Variants in FOLH1 observed in about 807,000 individuals in gnomAD.
FOLH1 encodes the protein glutamate carboxypeptidase 2.
In FOLH1, 54 loss-of-function variants were observed where a neutral mutation model predicts 93.9. The ratio of observed to expected loss-of-function variants is 0.57; its 90% confidence interval spans 0.46 to 0.72. The LOEUF is 0.72. Among genes scored for constraint, FOLH1 ranks in the 30% least tolerant of loss-of-function variants. The pLI is 0.00. For missense variants in FOLH1, 571 were observed against 892.5 expected, an observed-to-expected ratio of 0.64 and a Z score of 4.59; for synonymous variants, 249 against 303.6, an observed-to-expected ratio of 0.82 and a Z score of 1.87.
intron 18 of FOLH1, among the ~76,000 whole-genome samples, chr11:49,147,963 T>C (rs964727893): frequency 1.6e-4 from 24 of 151,786 alleles, no homozygotes; most frequent in African/African-American, 5.8e-4. Flanking sequence ...TGGATAAAAA[T>C]ATGCTGCTAC....
chr11:49,164,680 T>C (rs755319839), intron 13 of FOLH1, 25 bp downstream of exon 13: 1 of 1,530,870 alleles, frequency 6.5e-7, no homozygotes. Context: ...ATTTGGGTTT[T>C]CTTAAATTAT....
intron 1 of FOLH1, chr11:49,207,670 GTAAC>G (rs1230202491): frequency 2.9e-6 from 1 of 342,148 alleles, no homozygotes; most frequent in Non-Finnish European, 5.8e-6. Context: ...ATAAAATAGG[GTAAC>G]TAACGCTGAG....
At chr11:49,194,956 T>G (rs1862466317) in intron 3 of FOLH1, among the ~76,000 whole-genome samples, 1 of 151,984 alleles carries the variant, frequency 6.6e-6, no homozygotes, top group Non-Finnish European at 1.5e-5. Context: ...ATCACTATAG[T>G]GAGGTGAGAT....
At chr11:49,153,684 C>A (rs145844673) in intron 17 of FOLH1, among the ~76,000 whole-genome samples, 162 bp downstream of exon 17, 3 of 151,984 alleles carry the variant, frequency 2.0e-5, no homozygotes, top group African/African-American at 7.2e-5. Context: ...CAAACCTGCA[C>A]GTTCTGTCCA....
intron 12 of FOLH1, among the ~76,000 whole-genome samples, chr11:49,165,817 T>C (rs1382576599): frequency 6.6e-6 from 1 of 152,218 alleles, no homozygotes; most frequent in Non-Finnish European, 1.5e-5. Flanking sequence ...AAAGATTTGA[T>C]TTTAGATTCT....
chr11:49,175,874 C>T lies in FOLH1; in HGVS notation c.1004G>A (p.Gly335Glu). 1.2e-6 allele frequency: 2 copies of T among 1,613,504 alleles called. No individual in the cohort carries two copies. The highest frequency in any genetic ancestry group is 1.1e-5 in the South Asian group (1 of 90,972). The change falls in exon 8 of 19, where the codon GGA (glycine) becomes GAA (glutamate). Residue 335 changes from glycine to glutamate, a missense_variant. Gly to Glu is a moderately conservative substitution (Grantham distance 98). This residue lies in a region of FOLH1 where 500 missense variants were observed against 822.9 expected (regional missense o/e 0.61). Coordinates refer to ENST00000256999, the MANE Select transcript of FOLH1 (RefSeq NM_004476.3). ...VPYNVGPGFTGNFSTQKVKMH... is the reference protein window; with the variant it reads ...VPYNVGPGFTENFSTQKVKMH... ...GTCTCTTAACTGTGTAGAAAAGTTT[C>T]CAGTAAAGCCAGGTCCAACATTGTA... is the stretch of plus-strand genomic sequence containing the variant.
chr11:49,205,568 T>C (rs1320024853), intron 2 of FOLH1, among the ~76,000 whole-genome samples: 1 of 152,238 alleles, frequency 6.6e-6, no homozygotes, highest in African/African-American at 2.4e-5. Flanking sequence ...AAATGCAATA[T>C]CTTTCTCTAA....
At chr11:49,199,482 G>A (rs1172067873) in intron 3 of FOLH1, among the ~76,000 whole-genome samples, 1 of 152,142 alleles carries the variant, frequency 6.6e-6, no homozygotes, top group African/African-American at 2.4e-5. Context: ...TCTTCGCACA[G>A]AGTTCAACCT....
intron 4 of FOLH1, among the ~76,000 whole-genome samples, chr11:49,187,543 C>A (rs1861552774): frequency 7.0e-6 from 1 of 142,124 alleles, no homozygotes; most frequent in Non-Finnish European, 1.6e-5. Context: ...TACTATTCAA[C>A]ATCATCAATT....
intron 2 of FOLH1, 66 bp downstream of exon 2, chr11:49,206,001 G>C: frequency 6.7e-7 from 1 of 1,485,360 alleles, no homozygotes; most frequent in Non-Finnish European, 9.1e-7. Context: ...ATAAAATATT[G>C]GACCAAAACA....
rs1351762182 is a variant in FOLH1, at chr11:49,186,757, A to G, written c.526T>C (p.Tyr176His). The change falls in exon 5 of 19, where the codon TAT (tyrosine) becomes CAT (histidine). Residue 176 changes from tyrosine (Y) to histidine (H), a missense_variant. Around this residue, in one of 2 missense-constraint regions of FOLH1, gnomAD observed 500 missense variants for 822.9 expected, o/e 0.61. Coordinates refer to ENST00000256999, the MANE Select transcript of FOLH1 (RefSeq NM_004476.3). Reference sequence around the variant, plus strand: ...TCTTCAGTTCGTGCATAGTTAACATACACTAGATCGCCCTGTTGAGATCGG... The same window carrying G: ...TCTTCAGTTCGTGCATAGTTAACATGCACTAGATCGCCCTGTTGAGATCGG... ...PQGMPEGDLV[Y>H]VNYARTEDFF... The G allele has an allele frequency of 6.2e-7, 1 of 1,610,558 alleles. No homozygotes were observed. The highest frequency in any genetic ancestry group is 1.7e-5 in the Admixed American group (1 of 59,384).
chr11:49,164,631 A>G (rs1458954644), intron 13 of FOLH1, 74 bp downstream of exon 13: 8 of 1,002,906 alleles, frequency 8.0e-6, no homozygotes, highest in Non-Finnish European at 1.2e-5. Flanking sequence ...AACACCACCT[A>G]TGTTTAACAT....
At chr11:49,160,120 G>T (rs1391709411) in intron 13 of FOLH1, among the ~76,000 whole-genome samples, 5 of 151,960 alleles carry the variant, frequency 3.3e-5, no homozygotes, top group Admixed American at 2.0e-4. Flanking sequence ...GTGCATAGAG[G>T]TGTTTATAAT....
intron 7 of FOLH1, among the ~76,000 whole-genome samples, chr11:49,176,573 T>C (rs1052207594): frequency 1.3e-5 from 2 of 152,164 alleles, no homozygotes; most frequent in East Asian, 1.9e-4. Flanking sequence ...GGGGTTCTTG[T>C]AGTTTCACTT....
rs1353609019 is a variant in FOLH1 at position 49,200,275 on chromosome 11, T to C, written c.391A>G (p.Ile131Val). 1 of 1,574,384 alleles carries C rather than the reference T, an allele frequency of 6.4e-7. No individual in the cohort carries two copies. Among genetic ancestry groups the C allele is most frequent in the South Asian group, 1.2e-5 (1 of 83,612 alleles). ...NKTHPNYISIINEDGNEIFNT... is the reference protein window; with the variant it reads ...NKTHPNYISIVNEDGNEIFNT... Reference sequence around the variant, plus strand: ...TTTACCTCATTTCCATCTTCATTAATTATTGAGATGTAGTTGGGATGAGTC... The same window carrying C: ...TTTACCTCATTTCCATCTTCATTAACTATTGAGATGTAGTTGGGATGAGTC... Residue 131 changes from isoleucine (I) to valine (V), a missense_variant, in exon 3 of 19, where the codon ATT becomes GTT. Transcript: ENST00000256999.
intron 6 of FOLH1, among the ~76,000 whole-genome samples, chr11:49,183,520 G>A (rs1861029532): frequency 6.6e-6 from 1 of 151,998 alleles, no homozygotes; most frequent in South Asian, 2.1e-4. Flanking sequence ...CCACTCCTGG[G>A]TACTCTAGAA....
intron 5 of FOLH1, 139 bp from the exon 6 acceptor site, chr11:49,185,994 A>G: frequency 1.8e-6 from 2 of 1,116,720 alleles, no homozygotes; most frequent in Non-Finnish European, 2.4e-6. Flanking sequence ...AACAAAGGAC[A>G]TCTCGGATAG....
At chr11:49,178,425 AAATT>A (rs1405050352) in intron 7 of FOLH1, among the ~76,000 whole-genome samples, 1 of 152,204 alleles carries the variant, frequency 6.6e-6, no homozygotes, top group African/African-American at 2.4e-5. Context: ...TTCAGAATAA[AAATT>A]AATAGTCCAT....
At chr11:49,172,365 G>T (rs960935346) in intron 10 of FOLH1, among the ~76,000 whole-genome samples, 1 of 151,984 alleles carries the variant, frequency 6.6e-6, no homozygotes. Flanking sequence ...AGAACTGAGC[G>T]CCTTTACATT....
Sources: allele counts gnomAD v4.1 joint callset (sites outside exome capture counted in the v4.1 genomes callset), GRCh38; gene constraint gnomAD v4.1.1; regional missense constraint gnomAD v4.1.1; transcripts MANE v1.5; gene names NCBI Gene and HGNC (gene_info 2026-07-23, HGNC 2026-07-21).